Variants in DGKD observed in about 807,000 individuals in gnomAD.
DGKD encodes the protein DAG kinase delta.
In DGKD, 68 loss-of-function variants were observed where a neutral mutation model predicts 154.4. The observed-to-expected ratio is 0.44, with a 90% CI of 0.36 to 0.54. The LOEUF (loss-of-function observed/expected upper bound fraction) is 0.54. DGKD is among the 20% of genes least tolerant of loss of function. The pLI is 0.00. For missense variants in DGKD, 1,343 were observed against 1,593.6 expected, an observed-to-expected ratio of 0.84 and a Z score of 2.68; for synonymous variants, 693 against 638.0, an observed-to-expected ratio of 1.09 and a Z score of -1.30.
chr2:233,434,374 C>A lies in DGKD; in HGVS notation c.349-6C>A, dbSNP rs192817809. The A allele has an allele frequency of 4.3e-6, 7 of 1,612,302 alleles. No homozygotes were observed. The East Asian group carries it at 1.6e-4, about 36-fold the overall frequency. On this transcript the variant is annotated splice_region_variant and splice_polypyrimidine_tract_variant and intron_variant, in intron 3 of 29. Coordinates refer to ENST00000264057, the MANE Select transcript of DGKD (RefSeq NM_152879.3). Reference sequence around the variant, plus strand: ...ATGGATCTGTTGAACCTGTTTCTTTCTCTAGGTCATAACTCCATGCAGGAA... The same window carrying A: ...ATGGATCTGTTGAACCTGTTTCTTTATCTAGGTCATAACTCCATGCAGGAA...
Position 233,457,189 on chromosome 2 carries a change from C to CT in DGKD, c.2473-28dup. On this transcript the variant is annotated intron_variant, in intron 20 of 29. Coordinates refer to ENST00000264057, the MANE Select transcript of DGKD (RefSeq NM_152879.3). The surrounding 1 kb of genome is among the most constrained non-coding windows in gnomAD (Gnocchi z 5.5). ...AGGAGGGGCTGACTCATACCTTTCT[C>CT]TTTTCTTTTGTTCTGTGTCTCTGCT... is the stretch of plus-strand genomic sequence containing the variant. 6.7e-7 allele frequency: 1 copy of CT among 1,487,186 alleles called. No homozygotes were observed. The highest frequency in any genetic ancestry group is 1.3e-5 in the South Asian group (1 of 74,436). 92.1% of individuals were successfully genotyped at this position (1,487,186 alleles called of 1,614,324 possible). A position where few individuals can be genotyped will look rare whatever the true frequency, so the allele number is the denominator to read the frequency against.
intron 1 of DGKD, among the ~76,000 whole-genome samples, chr2:233,379,526 CTG>C (rs1702773855): frequency 6.6e-6 from 1 of 152,138 alleles, no homozygotes; most frequent in South Asian, 2.1e-4. Flanking sequence ...GTTTTTAACA[CTG>C]TGGCTCCCTG....
intron 24 of DGKD, among the ~76,000 whole-genome samples, chr2:233,461,183 G>A (rs1269593666): frequency 6.6e-6 from 1 of 152,202 alleles, no homozygotes; most frequent in Non-Finnish European, 1.5e-5. Context: ...CCTCCCAGCC[G>A]GCAGCTGTGC....
chr2:233,384,427 TG>T (rs1244747287), intron 1 of DGKD, among the ~76,000 whole-genome samples: 4 of 152,138 alleles, frequency 2.6e-5, no homozygotes, highest in African/African-American at 9.7e-5. Flanking sequence ...CTTTCTCCTT[TG>T]GGGCCCTTGG....
At chr2:233,406,812 CGGTTGATCTT>C (rs1384072003) in intron 3 of DGKD, among the ~76,000 whole-genome samples, 7 of 152,128 alleles carry the variant, frequency 4.6e-5, no homozygotes, top group Non-Finnish European at 7.4e-5. Context: ...GACATCCTCC[CGGTTGATCTT>C]TAGTTATGTG....
chr2:233,428,956 A>G (rs2062413502), intron 3 of DGKD, among the ~76,000 whole-genome samples: 1 of 152,082 alleles, frequency 6.6e-6, no homozygotes, highest in Non-Finnish European at 1.5e-5. Context: ...CTCAGTGTTT[A>G]TTGTCTGCAA....
intron 17 of DGKD, 77 bp from the exon 18 acceptor site, chr2:233,451,887 C>A: frequency 8.2e-7 from 1 of 1,222,786 alleles, no homozygotes; most frequent in Non-Finnish European, 1.2e-6. Context: ...ACCGGTCCAC[C>A]AGCTTCAGAG....
intron 3 of DGKD, among the ~76,000 whole-genome samples, chr2:233,413,994 C>T (rs940093185): frequency 1.2e-4 from 18 of 152,358 alleles, no homozygotes; most frequent in African/African-American, 4.3e-4. Context: ...TAAACCACCT[C>T]TGAGCATCCA....
rs1054052692 is a variant in DGKD, at chr2:233,438,138, G to C, written c.923-79G>C. On this transcript the variant is annotated intron_variant, in intron 8 of 29. Coordinates refer to ENST00000264057, the MANE Select transcript of DGKD (RefSeq NM_152879.3). This position sits in a 1 kb window ranked among gnomAD's most constrained non-coding sequence, Gnocchi z 4.1. ...AGGTGTGTGTCCTTTGGGGGGGTCT[G>C]CTGCTGCTGATTCCATCAGTGGTGC... 2.0e-6 allele frequency: 3 copies of C among 1,500,758 alleles called. No individual in the cohort carries two copies. Among genetic ancestry groups the C allele is most frequent in the South Asian group, 2.5e-5 (2 of 79,532 alleles). 93.0% of individuals were successfully genotyped at this position (1,500,758 alleles called of 1,614,324 possible). A position where few individuals can be genotyped will look rare whatever the true frequency, so the allele number is the denominator to read the frequency against.
rs2063311626 is a variant in DGKD at position 233,452,040 on chromosome 2, C to T, written c.2244C>T (p.Phe748=). 1 of 1,614,028 alleles carries T rather than the reference C, an allele frequency of 6.2e-7. No homozygotes were observed. Among genetic ancestry groups the T allele is most frequent in the African/African-American group, 1.3e-5 (1 of 75,038 alleles). Residue 748 remains phenylalanine (F), a synonymous_variant, in exon 18 of 30, where the codon TTC becomes TTT. Transcript: ENST00000264057. The surrounding 1 kb of genome is among the most constrained non-coding windows in gnomAD (Gnocchi z 4.0). ...GCCTGTTAATTAATGCTGATCCCTTCAACTCTGAACCAGAAACCCTGTGAG... is the reference window on the plus strand; with the variant it reads ...GCCTGTTAATTAATGCTGATCCCTTTAACTCTGAACCAGAAACCCTGTGAG... The part of the protein sequence containing the change: ...ISRLLINADP[F]NSEPETLEYY...
chr2:233,431,213 A>T lies in DGKD; in HGVS notation c.349-3167A>T, dbSNP rs567405733. Among the ~76,000 whole-genome samples, 101 of 152,370 alleles carry T rather than the reference A, an allele frequency of 6.6e-4. 1 individual carries two copies. The highest frequency in any genetic ancestry group is 2.4e-3 in the African/African-American group (98 of 41,596). On this transcript the variant is annotated intron_variant, in intron 3 of 29. Transcript: ENST00000264057. ...CACAATCTGCAAAAGAAATCAAGAA[A>T]GTAATCCCATTTACAGTAGTTGCAA...
At chr2:233,420,450 C>G (rs2062078722) in intron 3 of DGKD, among the ~76,000 whole-genome samples, 1 of 152,232 alleles carries the variant, frequency 6.6e-6, no homozygotes, top group African/African-American at 2.4e-5. Flanking sequence ...AATTCTCTTT[C>G]CTATCCTCGT....
At chr2:233,418,598 G>A (rs191722153) in intron 3 of DGKD, among the ~76,000 whole-genome samples, 1 of 152,326 alleles carries the variant, frequency 6.6e-6, no homozygotes, top group East Asian at 1.9e-4. Context: ...TTCTTGCCAA[G>A]TTGGCTTTGC....
chr2:233,384,279 C>T (rs932310291), intron 1 of DGKD, among the ~76,000 whole-genome samples: 1 of 152,160 alleles, frequency 6.6e-6, no homozygotes, highest in African/African-American at 2.4e-5. Flanking sequence ...CATTGGACAT[C>T]ACTGATGCGA....
intron 1 of DGKD, among the ~76,000 whole-genome samples, chr2:233,370,138 C>T (rs1172054748): frequency 6.6e-6 from 1 of 152,040 alleles, no homozygotes; most frequent in Non-Finnish European, 1.5e-5. Context: ...CTCCTCATTT[C>T]CCCCTCCTCC....
chr2:233,360,466 G>T (rs963914691), intron 1 of DGKD, among the ~76,000 whole-genome samples: 5 of 152,082 alleles, frequency 3.3e-5, no homozygotes, highest in African/African-American at 1.2e-4. Context: ...TGTTGCCCAT[G>T]CTTGGGGTCT....
chr2:233,399,876 G>A (rs1258619772), intron 3 of DGKD, among the ~76,000 whole-genome samples: 1 of 152,174 alleles, frequency 6.6e-6, no homozygotes, highest in African/African-American at 2.4e-5. Context: ...GGAGAGCCAT[G>A]CACTGCAGGC....
intron 24 of DGKD, among the ~76,000 whole-genome samples, chr2:233,461,547 C>T (rs1018485102): frequency 2.6e-5 from 4 of 152,258 alleles, no homozygotes; most frequent in African/African-American, 9.6e-5. Flanking sequence ...CGTCTCTCCC[C>T]CACCCCACCC....
chr2:233,373,541 A>G (rs1289546276), intron 1 of DGKD, among the ~76,000 whole-genome samples: 1 of 152,222 alleles, frequency 6.6e-6, no homozygotes, highest in African/African-American at 2.4e-5. Context: ...CCTTATCTGG[A>G]ATGTCCTAAA....
Sources: allele counts gnomAD v4.1 joint callset (sites outside exome capture counted in the v4.1 genomes callset), GRCh38; gene constraint gnomAD v4.1.1; non-coding constraint Gnocchi (gnomAD v3.1); transcripts MANE v1.5; gene names NCBI Gene and HGNC (gene_info 2026-07-23, HGNC 2026-07-21).